Variants in DCUN1D1 observed in about 807,000 individuals in gnomAD.
DCUN1D1 encodes DCN1-like protein 1.
DCUN1D1 carries 3 observed loss-of-function variants against 39.0 expected under a neutral mutation model. The ratio of observed to expected loss-of-function variants is 0.08; its 90% CI spans 0.04 to 0.20. The LOEUF (loss-of-function observed/expected upper bound fraction) is 0.20, where lower values mean the gene tolerates loss of function less well. Ranked by LOEUF, DCUN1D1 falls within the 10% of genes least tolerant of loss-of-function variation. DCUN1D1 has a pLI of 1.00. For synonymous variants in DCUN1D1, 82 were observed against 96.3 expected, an observed-to-expected ratio of 0.85 and a Z score of 0.87; for missense variants, 158 against 302.4, an observed-to-expected ratio of 0.52 and a Z score of 3.54.
chr3:182,967,956 C>T (rs985436513), intron 1 of DCUN1D1, among the ~76,000 whole-genome samples: 2 of 152,190 alleles, frequency 1.3e-5, no homozygotes, highest in Non-Finnish European at 2.9e-5. Flanking sequence ...CTCTGAGGAA[C>T]AAAGTAAAGT....
chr3:182,948,001 G>T (rs1236360625), intron 4 of DCUN1D1, among the ~76,000 whole-genome samples: 1 of 152,202 alleles, frequency 6.6e-6, no homozygotes, highest in African/African-American at 2.4e-5. Context: ...ATTATTTGTT[G>T]TAGGGTGCTG....
At chr3:182,973,653 A>C (rs1728064514) in intron 1 of DCUN1D1, among the ~76,000 whole-genome samples, 1 of 151,948 alleles carries the variant, frequency 6.6e-6, no homozygotes, top group Non-Finnish European at 1.5e-5. Flanking sequence ...CTAAAAATAC[A>C]AAAATTAGCT....
rs568715903 is a variant in DCUN1D1, at chr3:182,943,701, C to G, written c.*1393G>C. The G allele has an allele frequency of 2.6e-5, 4 of 152,522 alleles. No individual in the cohort carries two copies. The South Asian group carries it at 8.3e-4, about 32-fold the overall frequency. The allele number at this position is 152,522 out of a possible 1,614,324, so 9.4% of individuals were successfully genotyped here. On this transcript the variant is annotated 3_prime_UTR_variant, in exon 7 of 7. Coordinates refer to ENST00000292782, the MANE Select transcript of DCUN1D1 (RefSeq NM_020640.4). ...AGTATTACATTTCTAGCCTGCCTTA[C>G]GGAAATGTTTAAGAAAGCAAGAAAC...
chr3:182,969,405 A>G (rs560527077), intron 1 of DCUN1D1, among the ~76,000 whole-genome samples: 1 of 152,222 alleles, frequency 6.6e-6, no homozygotes, highest in Non-Finnish European at 1.5e-5. Context: ...GAATGATTTT[A>G]TAGGGGATGA....
chr3:182,965,059 GA>G (rs1727602018), intron 2 of DCUN1D1, among the ~76,000 whole-genome samples: 1 of 152,172 alleles, frequency 6.6e-6, no homozygotes, highest in Non-Finnish European at 1.5e-5. Context: ...GAAAAACTTT[GA>G]AAGAAACTCT....
At chr3:182,947,753 C>T (rs772377834) in intron 4 of DCUN1D1, 121 bp from the exon 5 acceptor site, 25 of 605,034 alleles carry the variant, frequency 4.1e-5, no homozygotes, top group Non-Finnish European at 6.6e-5. Flanking sequence ...AACTTGTATC[C>T]TGAATACTTA....
upstream of DCUN1D1, chr3:182,980,675 C>G: frequency 1.4e-6 from 1 of 736,950 alleles, no homozygotes; most frequent in Non-Finnish European, 1.7e-6. Context: ...AGGCGGAGGG[C>G]GCCCCGCGCG....
At chr3:182,962,884 G>A (rs757734267) in intron 3 of DCUN1D1, among the ~76,000 whole-genome samples, 21 of 152,092 alleles carry the variant, frequency 1.4e-4, no homozygotes, top group African/African-American at 2.9e-4. Context: ...GGGTTCAAGC[G>A]ATTCTCCTGC....
In DCUN1D1 at chr3:182,947,361, A is replaced by G. The variant is rs572402139; in HGVS notation, c.604-27T>C. 17 of 1,458,914 alleles carry G rather than the reference A, an allele frequency of 1.2e-5. No individual in the cohort carries two copies. The East Asian group carries it at 3.9e-4, about 33-fold the overall frequency. 90.4% of individuals were successfully genotyped at this position (1,458,914 alleles called of 1,614,324 possible). Reference sequence around the variant, plus strand: ...TATTTAAAAAACAAAAACAAAATACATTTGTATCACTAAAAAGAGCTGCAC... The same window carrying G: ...TATTTAAAAAACAAAAACAAAATACGTTTGTATCACTAAAAAGAGCTGCAC... On this transcript the variant is annotated intron_variant, in intron 5 of 6. Coordinates refer to ENST00000292782, the MANE Select transcript of DCUN1D1 (RefSeq NM_020640.4).
chr3:182,954,665 C>T (rs961431856), intron 4 of DCUN1D1, among the ~76,000 whole-genome samples: 2 of 152,006 alleles, frequency 1.3e-5, no homozygotes, highest in African/African-American at 2.4e-5. Flanking sequence ...AAATAAAAAT[C>T]GCCATACACT....
chr3:182,960,618 C>T (rs1189353832), intron 4 of DCUN1D1, among the ~76,000 whole-genome samples: 1 of 152,150 alleles, frequency 6.6e-6, no homozygotes, highest in Non-Finnish European at 1.5e-5. Flanking sequence ...TTTGTAATTA[C>T]CTACTAGCAC....
At chr3:182,974,593 A>C (rs918795980) in intron 1 of DCUN1D1, among the ~76,000 whole-genome samples, 4 of 152,066 alleles carry the variant, frequency 2.6e-5, no homozygotes, top group African/African-American at 4.8e-5. Context: ...GAAAAATAAA[A>C]TCTAATTCTA....
intron 1 of DCUN1D1, among the ~76,000 whole-genome samples, chr3:182,967,164 T>C (rs1256621253): frequency 6.8e-6 from 1 of 147,396 alleles, no homozygotes; most frequent in Non-Finnish European, 1.5e-5. Flanking sequence ...ATATATTTTC[T>C]GTGGTTTAAG....
At chr3:182,956,266 C>A in intron 4 of DCUN1D1, 1 of 288,544 alleles carries the variant, frequency 3.5e-6, no homozygotes. Context: ...TCTGGTGCTT[C>A]TGAGGCCTGG....
At position 182,974,921 on chromosome 3, in the gene DCUN1D1, A is replaced by AC. The variant is rs1331293679; in HGVS notation, c.3+5565dup. On this transcript the variant is annotated intron_variant, in intron 1 of 6. Transcript: ENST00000292782. Reference sequence around the variant, plus strand: ...TGCTTTTTCTTGTGGGGGTGGGCGCACACCTAAAGTGGCTATATAAATTAG... The same window carrying AC: ...TGCTTTTTCTTGTGGGGGTGGGCGCACCACCTAAAGTGGCTATATAAATTAG... 5.3e-5 allele frequency among the ~76,000 whole-genome samples: 8 copies of AC among 152,198 alleles called. No homozygotes were observed. In the East Asian group the frequency reaches 1.5e-3, roughly 29 times the overall value.
intron 1 of DCUN1D1, among the ~76,000 whole-genome samples, chr3:182,966,675 T>TGGA (rs1246505283): frequency 6.6e-5 from 10 of 152,182 alleles, no homozygotes; most frequent in African/African-American, 2.4e-4. Flanking sequence ...GCCGGCCTCC[T>TGGA]AGCAACTGCA....
At chr3:182,967,894 A>G (rs1283230288) in intron 1 of DCUN1D1, among the ~76,000 whole-genome samples, 1 of 152,242 alleles carries the variant, frequency 6.6e-6, no homozygotes, top group African/African-American at 2.4e-5. Flanking sequence ...TTTAAAACTC[A>G]GTATACCTTT....
At position 182,938,728 on chromosome 3, in the gene DCUN1D1, T is replaced by C. The variant is rs1725998947; in HGVS notation, c.*6366A>G. 1 of 152,206 alleles carries C rather than the reference T, an allele frequency of 6.6e-6. No homozygotes were observed. The highest frequency in any genetic ancestry group is 2.4e-5 in the African/African-American group (1 of 41,448). 9.4% of individuals were successfully genotyped at this position (152,206 alleles called of 1,614,324 possible). On this transcript the variant is annotated 3_prime_UTR_variant, in exon 7 of 7. Coordinates refer to ENST00000292782, the MANE Select transcript of DCUN1D1 (RefSeq NM_020640.4). ...CAGGCAGCTGGCAGCAACTAAATGG[T>C]ATCAACTAAATTTTTATAAATTCCA...
chr3:182,967,158 A>T (rs960021990), intron 1 of DCUN1D1, among the ~76,000 whole-genome samples: 3 of 128,372 alleles, frequency 2.3e-5, no homozygotes, highest in African/African-American at 5.8e-5. Flanking sequence ...ATATATATAT[A>T]TTTTCTGTGG....
Sources: allele counts gnomAD v4.1 joint callset (sites outside exome capture counted in the v4.1 genomes callset), GRCh38; gene constraint gnomAD v4.1.1; transcripts MANE v1.5; gene names NCBI Gene and HGNC (gene_info 2026-07-23, HGNC 2026-07-21).